Variants in WFDC2 observed in about 807,000 individuals in gnomAD.
The protein encoded by WFDC2 is WAP four-disulfide core domain 2.
WFDC2 carries 8 observed loss-of-function variants against 12.5 expected under a neutral mutation model. The ratio of observed to expected loss-of-function variants is 0.64; its 90% CI spans 0.37 to 1.15. The LOEUF is 1.15. Among genes scored for constraint, WFDC2 ranks in the 50% most tolerant of loss-of-function variants. WFDC2 has a pLI of 0.01. For synonymous variants in WFDC2, 74 were observed against 67.2 expected (o/e 1.10, Z -0.49); for missense variants, 166 against 159.9 (o/e 1.04, Z -0.21).
chr20:45,478,524 C>T (rs1051042276), intron 2 of WFDC2, among the ~76,000 whole-genome samples: 13 of 152,160 alleles, frequency 8.5e-5, no homozygotes, highest in African/African-American at 2.4e-4. Context: ...AGATGAGCCA[C>T]GTACCTCATT....
intron 2 of WFDC2, among the ~76,000 whole-genome samples, chr20:45,473,138 T>C (rs1489199475): frequency 1.3e-5 from 2 of 152,242 alleles, no homozygotes; most frequent in African/African-American, 4.8e-5. Context: ...GGCTGCCTGT[T>C]CACTCTGATG....
At chr20:45,475,844 T>G (rs1361099060) in intron 2 of WFDC2, among the ~76,000 whole-genome samples, 2 of 152,252 alleles carry the variant, frequency 1.3e-5, no homozygotes, top group Non-Finnish European at 2.9e-5. Context: ...ACTTGCTTTA[T>G]GAATCAGGGT....
At chr20:45,480,977 A>G (rs926268659) in intron 3 of WFDC2, among the ~76,000 whole-genome samples, 1 of 152,234 alleles carries the variant, frequency 6.6e-6, no homozygotes, top group Non-Finnish European at 1.5e-5. Context: ...ATGTAGCTAA[A>G]TAAGATCTAA....
intron 2 of WFDC2, chr20:45,479,626 C>G (rs1434938899): frequency 6.5e-7 from 1 of 1,537,704 alleles, no homozygotes; most frequent in East Asian, 2.2e-5. Context: ...TCACAACAAC[C>G]CTATGTTGTA....
rs890810506 is a variant in WFDC2 at position 45,470,014 on chromosome 20, A to T, written c.79+154A>T. Among the ~76,000 whole-genome samples the T allele has an allele frequency of 3.9e-5, 6 of 152,034 alleles. No individual in the cohort carries two copies. The highest frequency in any genetic ancestry group is 8.8e-5 in the Non-Finnish European group (6 of 67,986). ...CCTTGGAGCCTAGGGTGTGGGGTCCAATGTGCTGGAGGTGGAGAGACCACT... is the reference window on the plus strand; with the variant it reads ...CCTTGGAGCCTAGGGTGTGGGGTCCTATGTGCTGGAGGTGGAGAGACCACT... On this transcript the variant is annotated intron_variant, in intron 1 of 3. Coordinates refer to ENST00000372676, the MANE Select transcript of WFDC2 (RefSeq NM_006103.4). The surrounding 1 kb of genome is among the most constrained non-coding windows in gnomAD (Gnocchi z 5.4).
At chr20:45,477,885 T>C (rs1431235148) in intron 2 of WFDC2, among the ~76,000 whole-genome samples, 2 of 152,196 alleles carry the variant, frequency 1.3e-5, no homozygotes, top group African/African-American at 2.4e-5. Context: ...AGAGAGGCAG[T>C]CTGGCTACAG....
Position 45,470,281 on chromosome 20 carries a change from G to T in WFDC2, c.80-108G>T. 1 of 1,435,172 alleles carries T rather than the reference G, an allele frequency of 7.0e-7. No homozygotes were observed. Among genetic ancestry groups the T allele is most frequent in the Non-Finnish European group, 9.2e-7 (1 of 1,082,722 alleles). The allele number at this position is 1,435,172 out of a possible 1,614,324, so 88.9% of individuals were successfully genotyped here. A position where few individuals can be genotyped will look rare whatever the true frequency, so the allele number is the denominator to read the frequency against. Reference sequence around the variant, plus strand: ...CTGGGGGCTGTAAGGGGACTCCTAGGGCCAGAGACTGAGAATTCCTTGGGG... The same window carrying T: ...CTGGGGGCTGTAAGGGGACTCCTAGTGCCAGAGACTGAGAATTCCTTGGGG... On this transcript the variant is annotated intron_variant, in intron 1 of 3. Coordinates refer to ENST00000372676, the MANE Select transcript of WFDC2 (RefSeq NM_006103.4). This position sits in a 1 kb window ranked among gnomAD's most constrained non-coding sequence, Gnocchi z 5.4.
intron 2 of WFDC2, among the ~76,000 whole-genome samples, chr20:45,472,365 G>A (rs149964937): frequency 2.3e-3 from 353 of 152,236 alleles, no homozygotes; most frequent in African/African-American, 7.6e-3. Context: ...GAGAACATGC[G>A]GTATTTGGTT....
chr20:45,473,554 G>A (rs935208052), intron 2 of WFDC2, among the ~76,000 whole-genome samples: 1 of 152,092 alleles, frequency 6.6e-6, no homozygotes, highest in Non-Finnish European at 1.5e-5. Flanking sequence ...ATCTGTTTTG[G>A]TACCAGTACC....
chr20:45,479,960 C>G lies in WFDC2; in HGVS notation c.242C>G (p.Pro81Arg). The change falls in exon 3 of 4, where the codon CCC becomes CGC. Residue 81 changes from proline to arginine, a missense_variant. Pro to Arg is a moderately radical substitution (Grantham distance 103). Transcript: ENST00000372676. ...SLPNDKEGSC[P>R]QVNINFPQLG... Reference sequence around the variant, plus strand: ...TACCCAGATAAGGAGGGTTCCTGCCCCCAGGTGAACATTAACTTTCCCCAG... The same window carrying G: ...TACCCAGATAAGGAGGGTTCCTGCCGCCAGGTGAACATTAACTTTCCCCAG... 1 of 1,614,244 alleles carries G rather than the reference C, an allele frequency of 6.2e-7. No homozygotes were observed. Among genetic ancestry groups the G allele is most frequent in the Non-Finnish European group, 8.5e-7 (1 of 1,180,052 alleles).
Position 45,469,838 on chromosome 20 carries a change from G to C in WFDC2, c.57G>C (p.Leu19=), listed in dbSNP as rs1368304386. Residue 19 remains leucine (L), a synonymous_variant, in exon 1 of 4, where the codon CTG becomes CTC. Transcript: ENST00000372676. The part of the protein sequence containing the change: ...LAAALLLSLL[L]FGFTLVSGTG... Reference sequence around the variant, plus strand: ...CCGCCCTCCTCCTCAGCCTGCTGCTGTTCGGCTTCACCCTAGTCTCAGGTG... The same window carrying C: ...CCGCCCTCCTCCTCAGCCTGCTGCTCTTCGGCTTCACCCTAGTCTCAGGTG... 2 of 1,610,920 alleles carry C rather than the reference G, an allele frequency of 1.2e-6. No homozygotes were observed. Among genetic ancestry groups the C allele is most frequent in the African/African-American group, 1.3e-5 (1 of 75,046 alleles).
At chr20:45,476,652 G>A (rs1036098258) in intron 2 of WFDC2, among the ~76,000 whole-genome samples, 2 of 152,022 alleles carry the variant, frequency 1.3e-5, no homozygotes, top group East Asian at 3.9e-4. Context: ...ATGTGTCTTG[G>A]GGTTATTCTT....
Position 45,470,601 on chromosome 20 carries a change from G to C in WFDC2, c.223+69G>C, listed in dbSNP as rs1172479362. The C allele has an allele frequency of 3.4e-6, 5 of 1,487,156 alleles. No individual in the cohort carries two copies. The African/African-American group carries it at 4.2e-5, about 12-fold the overall frequency. The allele number at this position is 1,487,156 out of a possible 1,614,324, so 92.1% of individuals were successfully genotyped here. A position where few individuals can be genotyped will look rare whatever the true frequency, so the allele number is the denominator to read the frequency against. On this transcript the variant is annotated intron_variant, in intron 2 of 3. Coordinates refer to ENST00000372676, the MANE Select transcript of WFDC2 (RefSeq NM_006103.4). This position sits in a 1 kb window ranked among gnomAD's most constrained non-coding sequence, Gnocchi z 5.4. ...GGGCTGGGAGGAGGTGGGAGGGCCC[G>C]GGTTCCGGGAACAGGGGCGCCCCCG...
Position 45,470,193 on chromosome 20 carries a change from C to G in WFDC2, c.80-196C>G, listed in dbSNP as rs1039381696. Among the ~76,000 whole-genome samples the G allele has an allele frequency of 1.6e-4, 25 of 152,090 alleles. No homozygotes were observed. Among genetic ancestry groups the G allele is most frequent in the African/African-American group, 5.6e-4 (23 of 41,424 alleles). On this transcript the variant is annotated intron_variant, in intron 1 of 3. Transcript: ENST00000372676. This position sits in a 1 kb window ranked among gnomAD's most constrained non-coding sequence, Gnocchi z 5.4. ...GGCTGAGATCTGAGGGCCCCGACGC[C>G]AAGGGTTAGGGAGCTCTCGTACTCC... is the stretch of plus-strand genomic sequence containing the variant.
At chr20:45,477,881 G>GCA in intron 2 of WFDC2, among the ~76,000 whole-genome samples, 1 of 152,218 alleles carries the variant, frequency 6.6e-6, no homozygotes, top group Admixed American at 6.5e-5. Flanking sequence ...ATCTAGAGAG[G>GCA]CAGTCTGGCT....
intron 2 of WFDC2, 157 bp from the exon 3 acceptor site, chr20:45,479,785 C>A: frequency 1.2e-6 from 2 of 1,613,710 alleles, no homozygotes; most frequent in Admixed American, 3.3e-5. Flanking sequence ...CTTCCTGGGC[C>A]TCCTGAGAGC....
chr20:45,480,788 G>A (rs1425729938), intron 3 of WFDC2, among the ~76,000 whole-genome samples: 1 of 152,134 alleles, frequency 6.6e-6, no homozygotes, highest in Admixed American at 6.5e-5. Context: ...GTGTGCTCTT[G>A]GTGCCCGAGA....
At chr20:45,476,521 G>C (rs959602137) in intron 2 of WFDC2, among the ~76,000 whole-genome samples, 1 of 152,202 alleles carries the variant, frequency 6.6e-6, no homozygotes, top group African/African-American at 2.4e-5. Flanking sequence ...TGGTTTGCAG[G>C]GTTTCTGCAG....
chr20:45,473,051 T>C (rs1600846958), intron 2 of WFDC2, among the ~76,000 whole-genome samples: 1 of 152,224 alleles, frequency 6.6e-6, no homozygotes, highest in Non-Finnish European at 1.5e-5. Context: ...CTCGTAAATT[T>C]GTTTGAGTTC....
Sources: gnomAD v4.1 joint callset for allele counts (sites outside exome capture counted in the v4.1 genomes callset) on GRCh38, gnomAD v4.1.1 for gene constraint, Gnocchi (gnomAD v3.1) non-coding constraint, MANE v1.5 for transcripts, NCBI Gene and HGNC (gene_info 2026-07-23, HGNC 2026-07-21) for gene names.